POMT2: variants seen among roughly 807,000 people sequenced by gnomAD.
The protein encoded by POMT2 is protein O-mannosyltransferase 2.
POMT2 carries 75 observed loss-of-function variants against 100.0 expected under a neutral mutation model. That is an observed-to-expected ratio of 0.75 (90% CI 0.62 to 0.91). POMT2 has a LOEUF of 0.91. POMT2 is among the 40% of genes least tolerant of loss of function. The probability of loss-of-function intolerance (pLI) is 0.00; values close to 1 mark genes in which losing one functional copy is unlikely to be tolerated. For missense variants in POMT2, 940 were observed against 955.1 expected (o/e 0.98, Z 0.21); for synonymous variants, 378 against 374.1 (o/e 1.01, Z -0.12).
chr14:77,298,148 G>A (rs978053429), intron 8 of POMT2, among the ~76,000 whole-genome samples: 1 of 152,128 alleles, frequency 6.6e-6, no homozygotes, highest in Non-Finnish European at 1.5e-5. Flanking sequence ...TCCAGGGCCT[G>A]ACTCCAAGGC....
chr14:77,310,068 A>T (rs1891382751), intron 2 of POMT2, among the ~76,000 whole-genome samples: 1 of 152,260 alleles, frequency 6.6e-6, no homozygotes, highest in East Asian at 1.9e-4. Flanking sequence ...AAGAACGGGC[A>T]GTCCCCACAG....
chr14:77,300,976 G>C (rs1891014321), intron 6 of POMT2, 114 bp downstream of exon 6: 1 of 1,605,302 alleles, frequency 6.2e-7, no homozygotes, highest in East Asian at 2.2e-5. Context: ...GCCCACCTGG[G>C]ACCCAGAACA....
chr14:77,280,113 C>T (rs768368668), intron 16 of POMT2, 33 bp from the exon 17 acceptor site: 19 of 1,613,600 alleles, frequency 1.2e-5, no homozygotes, highest in Middle Eastern at 1.7e-4. Flanking sequence ...CTGACCCAGG[C>T]CCAGCCCATC....
At chr14:77,291,222 T>G in intron 10 of POMT2, 92 bp downstream of exon 10, 1 of 1,246,068 alleles carries the variant, frequency 8.0e-7, no homozygotes, top group South Asian at 1.3e-5. Context: ...GCAAAGCCCA[T>G]CTCAGGATCA....
chr14:77,289,123 G>C lies in POMT2; in HGVS notation c.1184-292C>G, dbSNP rs552414765. The stretch of plus-strand genomic sequence containing the variant: ...AGAAAACTTCTGGCCGGGCACAGTG[G>C]CTCACGCCTGTAATCCTAGCCCTTT... On this transcript the variant is annotated intron_variant, in intron 10 of 20. Coordinates refer to ENST00000261534, the MANE Select transcript of POMT2 (RefSeq NM_013382.7). Among the ~76,000 whole-genome samples the C allele has an allele frequency of 3.0e-3, 462 of 152,018 alleles. 4 individuals carry two copies. The highest frequency in any genetic ancestry group is 0.011 in the African/African-American group (446 of 41,468).
intron 11 of POMT2, chr14:77,287,524 C>T (rs537568355): frequency 9.8e-6 from 1 of 102,424 alleles, no homozygotes; most frequent in East Asian, 5.9e-4. Flanking sequence ...CTCTGTCTCT[C>T]TCTCTCTCTC....
chr14:77,279,727 C>T, intron 18 of POMT2, 96 bp downstream of exon 18: 1 of 1,254,324 alleles, frequency 8.0e-7, no homozygotes, highest in South Asian at 1.3e-5. Flanking sequence ...GTGGTAAACG[C>T]AAAGGATGGC....
chr14:77,276,551 G>A lies in POMT2; in HGVS notation c.*825C>T, dbSNP rs546336993. The A allele has an allele frequency of 1.3e-5, 2 of 152,470 alleles. No individual in the cohort carries two copies. The highest frequency in any genetic ancestry group is 4.8e-5 in the African/African-American group (2 of 41,592). 9.4% of individuals were successfully genotyped at this position (152,470 alleles called of 1,614,324 possible). A position where few individuals can be genotyped will look rare whatever the true frequency, so the allele number is the denominator to read the frequency against. ...CCAGGCCAGGCTAGATGCACTTGGA[G>A]AGACCTGGCCTCTGGCACACAGGGC... On this transcript the variant is annotated 3_prime_UTR_variant, in exon 21 of 21. Transcript: ENST00000261534.
At chr14:77,288,306 G>A (rs1418073405) in intron 11 of POMT2, among the ~76,000 whole-genome samples, 1 of 152,192 alleles carries the variant, frequency 6.6e-6, no homozygotes, top group East Asian at 1.9e-4. Context: ...TGAGAACACT[G>A]GTTAAATAAG....
rs993010051 is a variant in POMT2, at chr14:77,288,054, G to T, written c.1253+708C>A. 3.9e-5 allele frequency among the ~76,000 whole-genome samples: 6 copies of T among 152,184 alleles called. No homozygotes were observed. In the East Asian group the frequency reaches 1.2e-3, roughly 29 times the overall value. On this transcript the variant is annotated intron_variant, in intron 11 of 20. Coordinates refer to ENST00000261534, the MANE Select transcript of POMT2 (RefSeq NM_013382.7). ...TTTGGGGGTTCCAAATATGGGGAAG[G>T]ATAACTTAATAAATTTACCACTTTG...
At chr14:77,285,701 G>A in intron 12 of POMT2, 69 bp from the exon 13 acceptor site, 1 of 1,534,804 alleles carries the variant, frequency 6.5e-7, no homozygotes, top group Non-Finnish European at 9.0e-7. Context: ...GTCAGAAAGG[G>A]AAATGGCCAC....
At position 77,291,821 on chromosome 14, in the gene POMT2, T is replaced by G. The variant is rs945483826; in HGVS notation, c.1117-441A>C. Among the ~76,000 whole-genome samples, 12 of 152,168 alleles carry G rather than the reference T, an allele frequency of 7.9e-5. 1 individual carries two copies. The highest frequency in any genetic ancestry group is 1.6e-4 in the Non-Finnish European group (11 of 67,964). On this transcript the variant is annotated intron_variant, in intron 9 of 20. Coordinates refer to ENST00000261534, the MANE Select transcript of POMT2 (RefSeq NM_013382.7). Reference sequence around the variant, plus strand: ...GCCAGAGTGGGCGGATCACCTGAGGTCAGGAGTTTGAGATCAGCCTGGCCA... The same window carrying G: ...GCCAGAGTGGGCGGATCACCTGAGGGCAGGAGTTTGAGATCAGCCTGGCCA...
chr14:77,280,330 C>T lies in POMT2; in HGVS notation c.1725+62G>A, dbSNP rs916661774. ...CTAGTACACCCACCCCCGCCTCCAC[C>T]GGTCTCCCTGCTCTTGTTCTTGGCT... On this transcript the variant is annotated intron_variant, in intron 16 of 20. Transcript: ENST00000261534. 39 of 1,610,958 alleles carry T rather than the reference C, an allele frequency of 2.4e-5. No individual in the cohort carries two copies. In the East Asian group the frequency reaches 5.4e-4, roughly 22 times the overall value.
At chr14:77,310,139 T>C (rs1021016825) in intron 2 of POMT2, among the ~76,000 whole-genome samples, 3 of 152,354 alleles carry the variant, frequency 2.0e-5, no homozygotes, top group Admixed American at 6.5e-5. Context: ...CCAGGCGAGC[T>C]CCATGCAAAT....
chr14:77,306,369 A>G lies in POMT2; in HGVS notation c.406T>C (p.Tyr136His), dbSNP rs1891230114. 2 of 1,613,170 alleles carry G rather than the reference A, an allele frequency of 1.2e-6. No individual in the cohort carries two copies. Among genetic ancestry groups the G allele is most frequent in the Non-Finnish European group, 1.7e-6 (2 of 1,179,192 alleles). Reference protein sequence around the residue: ...TFLFQKPGDKYEHHSYMGMRG... With the variant: ...TFLFQKPGDKHEHHSYMGMRG... ...ATTCCCATGTAGCTGTGATGCTCAT[A>G]TTTATCCCCAGGCTTCTGGAACAAA... The change falls in exon 3 of 21, where the codon TAT (tyrosine) becomes CAT (histidine). Residue 136 changes from tyrosine to histidine, a missense_variant. By Grantham distance (83) the Tyr-to-His change is moderately conservative. Transcript: ENST00000261534.
rs375217032 is a variant in POMT2, at chr14:77,301,100, C to T, written c.806G>A (p.Ser269Asn). ...CCCTTGGGTGCTCACCAATGAAAGA[C>T]TGAGGTCTCCGAACAGGTACCAAAG... ...ADLWYLFGDLSLSLVTVGKHL... is the reference protein window; with the variant it reads ...ADLWYLFGDLNLSLVTVGKHL... Residue 269 changes from serine (S) to asparagine (N), a missense_variant, in exon 6 of 21, where the codon AGT becomes AAT. By Grantham distance (46) the Ser-to-Asn change is conservative. Coordinates refer to ENST00000261534, the MANE Select transcript of POMT2 (RefSeq NM_013382.7). 87 of 1,614,170 alleles carry T rather than the reference C, an allele frequency of 5.4e-5. 1 individual carries two copies. The African/African-American group carries it at 8.4e-4, about 16-fold the overall frequency.
At position 77,278,403 on chromosome 14, in the gene POMT2, G is replaced by A. The variant is rs1890060728; in HGVS notation, c.2138C>T (p.Thr713Ile). 2.7e-6 allele frequency: 4 copies of A among 1,467,482 alleles called. No homozygotes were observed. Among genetic ancestry groups the A allele is most frequent in the South Asian group, 1.2e-5 (1 of 82,330 alleles). The allele number at this position is 1,467,482 out of a possible 1,614,324, so 90.9% of individuals were successfully genotyped here. ...GTGCAGAGATGCTCACCTGTAGGCAGTTCCCAGGAGCAGGCTCAGGATTCC... is the reference window on the plus strand; with the variant it reads ...GTGCAGAGATGCTCACCTGTAGGCAATTCCCAGGAGCAGGCTCAGGATTCC... ...VAGILSLLLG[T>I]AYSFYLFHPL... Residue 713 changes from threonine (T) to isoleucine (I), a missense_variant, in exon 20 of 21, where the codon ACT (threonine) becomes ATT (isoleucine). Thr to Ile is a moderately conservative substitution (Grantham distance 89). Transcript: ENST00000261534.
At chr14:77,288,999 G>A (rs1298822477) in intron 10 of POMT2, among the ~76,000 whole-genome samples, 168 bp from the exon 11 acceptor site, 1 of 151,806 alleles carries the variant, frequency 6.6e-6, no homozygotes, top group South Asian at 2.1e-4. Context: ...GGGTATTAGA[G>A]AAGGGTGTCC....
intron 6 of POMT2, chr14:77,300,707 C>A: frequency 3.6e-6 from 1 of 274,760 alleles, no homozygotes; most frequent in Non-Finnish European, 7.1e-6. Context: ...GTAATCCCAG[C>A]TACTTGGGAG....
Sources: gnomAD v4.1 joint callset for allele counts (sites outside exome capture counted in the v4.1 genomes callset) on GRCh38, gnomAD v4.1.1 for gene constraint, MANE v1.5 for transcripts, NCBI Gene and HGNC (gene_info 2026-07-23, HGNC 2026-07-21) for gene names.